TRABD2A: variants seen among roughly 807,000 people sequenced by gnomAD.
The protein encoded by TRABD2A is TraB domain containing 2A, also known as metalloprotease TIKI1.
Under a neutral mutation model 45.6 loss-of-function variants are expected in TRABD2A, and 43 were observed. That is an observed-to-expected ratio of 0.94 (90% CI 0.74 to 1.22). The LOEUF is 1.22. Among genes scored for constraint, TRABD2A ranks in the 50% most tolerant of loss-of-function variants. TRABD2A has a pLI of 0.00. For synonymous variants in TRABD2A, 269 were observed against 265.0 expected (o/e 1.02, Z -0.15); for missense variants, 642 against 652.4 (o/e 0.98, Z 0.17).
At chr2:84,879,987 C>G (rs890018220) in intron 1 of TRABD2A, among the ~76,000 whole-genome samples, 1 of 150,826 alleles carries the variant, frequency 6.6e-6, no homozygotes, top group African/African-American at 2.4e-5. Flanking sequence ...TCCCTCAACC[C>G]ACCCCCAACC....
rs757790660 is a variant in TRABD2A, at chr2:84,824,028, C to T, written c.1259G>A (p.Arg420Gln). 5.6e-6 allele frequency: 9 copies of T among 1,613,822 alleles called. No individual in the cohort carries two copies. The highest frequency in any genetic ancestry group is 1.7e-4 in the Middle Eastern group (1 of 6,058). Reference sequence around the variant, plus strand: ...CCGCTGTGACCGCCTCCGCTTCTTCCGGAACCTCTGTTCGGCCTCACTGGG... The same window carrying T: ...CCGCTGTGACCGCCTCCGCTTCTTCTGGAACCTCTGTTCGGCCTCACTGGG... ...DTPSEAEQRF[R>Q]KKRRRSQRRP... The change falls in exon 6 of 7, where the codon CGG becomes CAG. Residue 420 changes from arginine to glutamine, a missense_variant. Transcript: ENST00000409520.
At chr2:84,860,533 T>G (rs945997863) in intron 2 of TRABD2A, among the ~76,000 whole-genome samples, 1 of 152,216 alleles carries the variant, frequency 6.6e-6, no homozygotes, top group Admixed American at 6.5e-5. Context: ...CACTTTCTGT[T>G]GTTTAAGCCA....
At chr2:84,838,882 A>G (rs2105379575) in intron 4 of TRABD2A, among the ~76,000 whole-genome samples, 1 of 152,336 alleles carries the variant, frequency 6.6e-6, no homozygotes, top group Non-Finnish European at 1.5e-5. Context: ...AATTCAGAGG[A>G]CAAAAATGTT....
At chr2:84,862,457 G>A (rs1284432911) in intron 2 of TRABD2A, among the ~76,000 whole-genome samples, 3 of 152,158 alleles carry the variant, frequency 2.0e-5, no homozygotes, top group Non-Finnish European at 2.9e-5. Flanking sequence ...GCAGGGATAT[G>A]AGGCAGAAAC....
At position 84,870,327 on chromosome 2, in the gene TRABD2A, G is replaced by A. The variant is rs568025418; in HGVS notation, c.567C>T (p.Asp189=). The part of the protein sequence containing the change: ...DIKSRGVPVL[D]LFLAQEAERL... Reference sequence around the variant, plus strand: ...GCTCAGCCTCCTGGGCAAGGAACAGGTCTAAGACAGGCACTCCACGGGACT... The same window carrying A: ...GCTCAGCCTCCTGGGCAAGGAACAGATCTAAGACAGGCACTCCACGGGACT... Residue 189 remains aspartate (D), a synonymous_variant, in exon 2 of 7, where the codon GAC becomes GAT. Coordinates refer to ENST00000409520, the MANE Select transcript of TRABD2A (RefSeq NM_001277053.2). The A allele has an allele frequency of 9.9e-6, 16 of 1,613,912 alleles. No individual in the cohort carries two copies. Among genetic ancestry groups the A allele is most frequent in the Non-Finnish European group, 1.4e-5 (16 of 1,179,904 alleles).
intron 2 of TRABD2A, among the ~76,000 whole-genome samples, chr2:84,857,019 A>G (rs564148749): frequency 6.6e-6 from 1 of 152,316 alleles, no homozygotes; most frequent in East Asian, 1.9e-4. Flanking sequence ...AGGCTCACAC[A>G]GAGAAAAGGC....
At chr2:84,868,756 T>C (rs183904211) in intron 2 of TRABD2A, among the ~76,000 whole-genome samples, 79 of 152,290 alleles carry the variant, frequency 5.2e-4, no homozygotes, top group African/African-American at 1.8e-3. Flanking sequence ...ACTTCCAAGC[T>C]TTTTTTCCCC....
intron 5 of TRABD2A, among the ~76,000 whole-genome samples, chr2:84,831,173 G>A (rs1215215553): frequency 6.6e-6 from 1 of 150,384 alleles, no homozygotes; most frequent in Non-Finnish European, 1.5e-5. Flanking sequence ...GTAGAAGAGA[G>A]GCCAGGGATG....
At chr2:84,859,386 A>G (rs1375960824) in intron 2 of TRABD2A, among the ~76,000 whole-genome samples, 1 of 152,238 alleles carries the variant, frequency 6.6e-6, no homozygotes, top group East Asian at 1.9e-4. Context: ...ACCAAAAAAA[A>G]GTGGGGGTAA....
At chr2:84,868,532 GTTAA>G (rs1159201567) in intron 2 of TRABD2A, among the ~76,000 whole-genome samples, 10 of 149,126 alleles carry the variant, frequency 6.7e-5, no homozygotes, top group Admixed American at 6.6e-5. Context: ...TAGTTAACTA[GTTAA>G]TTAGTTAATT....
intron 2 of TRABD2A, among the ~76,000 whole-genome samples, chr2:84,844,243 A>T (rs1681808364): frequency 6.6e-6 from 1 of 152,070 alleles, no homozygotes; most frequent in Admixed American, 6.6e-5. Flanking sequence ...TGTGAGAGGG[A>T]CCCAGTGGGA....
chr2:84,866,124 A>G (rs188522788), intron 2 of TRABD2A, among the ~76,000 whole-genome samples: 41 of 152,336 alleles, frequency 2.7e-4, no homozygotes, highest in African/African-American at 9.6e-4. Context: ...CAAGAGCCAC[A>G]AGGCCTACAG....
At chr2:84,858,366 G>A (rs1682384846) in intron 2 of TRABD2A, among the ~76,000 whole-genome samples, 2 of 152,230 alleles carry the variant, frequency 1.3e-5, no homozygotes, top group South Asian at 4.1e-4. Context: ...AGATTTGCCT[G>A]CGCTTTTGGC....
At chr2:84,864,830 C>G (rs1184018165) in intron 2 of TRABD2A, among the ~76,000 whole-genome samples, 1 of 152,182 alleles carries the variant, frequency 6.6e-6, no homozygotes, top group African/African-American at 2.4e-5. Context: ...GCCTGGCAGG[C>G]CACCCCATCC....
Position 84,823,951 on chromosome 2 carries a change from A to C in TRABD2A, c.1334+2T>G, listed in dbSNP as rs1681067681. On this transcript the variant is annotated splice_donor_variant, in intron 6 of 6. Coordinates refer to ENST00000409520, the MANE Select transcript of TRABD2A (RefSeq NM_001277053.2). LOFTEE classifies it high-confidence loss of function. ...CAACCCGACCCAGCCTACTCGCCTG[A>C]CCTCTCCTCCAGGCGGACCCACAGA... 3.1e-6 allele frequency: 5 copies of C among 1,613,254 alleles called. No homozygotes were observed. The highest frequency in any genetic ancestry group is 4.2e-6 in the Non-Finnish European group (5 of 1,179,844).
intron 2 of TRABD2A, among the ~76,000 whole-genome samples, chr2:84,847,295 T>G (rs1037342792): frequency 3.3e-5 from 5 of 152,214 alleles, no homozygotes; most frequent in African/African-American, 1.2e-4. Context: ...CTAATGACTG[T>G]CAGTCATCCT....
intron 3 of TRABD2A, among the ~76,000 whole-genome samples, chr2:84,841,338 C>T (rs1304358521): frequency 6.6e-6 from 1 of 152,208 alleles, no homozygotes; most frequent in Non-Finnish European, 1.5e-5. Flanking sequence ...ACTCAATCCA[C>T]CAGCTCAGCC....
At chr2:84,878,730 T>C (rs1376182344) in intron 1 of TRABD2A, among the ~76,000 whole-genome samples, 1 of 152,102 alleles carries the variant, frequency 6.6e-6, no homozygotes, top group African/African-American at 2.4e-5. Context: ...CAGAATCCTA[T>C]AGGGGCTGCT....
At chr2:84,839,605 T>C (rs1317434757) in intron 3 of TRABD2A, among the ~76,000 whole-genome samples, 1 of 138,896 alleles carries the variant, frequency 7.2e-6, no homozygotes, top group Admixed American at 7.2e-5. Context: ...CGTGTGTTTA[T>C]AAAAAAAAAA....
Sources: allele counts gnomAD v4.1 joint callset (sites outside exome capture counted in the v4.1 genomes callset), GRCh38; gene constraint gnomAD v4.1.1; transcripts MANE v1.5; gene names NCBI Gene and HGNC (gene_info 2026-07-23, HGNC 2026-07-21).